The following FARP2 variants were observed in gnomAD, a reference collection of about 807,000 sequenced individuals.
FARP2 encodes the protein FERM, ARH/RhoGEF and pleckstrin domain protein 2, also known as FERM, ARHGEF and pleckstrin domain-containing protein 2.
Under a neutral mutation model 130.5 loss-of-function variants are expected in FARP2, and 111 were observed. That is an observed-to-expected ratio of 0.85 (90% CI 0.73 to 1.00). The LOEUF (loss-of-function observed/expected upper bound fraction) is 1.00. Ranked by LOEUF, FARP2 falls within the 50% of genes least tolerant of loss-of-function variation. The pLI, the probability that FARP2 is intolerant of heterozygous loss-of-function variation, is 0.00. For missense variants in FARP2, 1,385 were observed against 1,346.3 expected (o/e 1.03, Z -0.45); for synonymous variants, 504 against 516.9 (o/e 0.98, Z 0.34).
intron 26 of FARP2, 111 bp downstream of exon 26, chr2:241,493,555 C>T (rs1559820692): frequency 1.1e-6 from 1 of 930,344 alleles, no homozygotes; most frequent in Non-Finnish European, 1.7e-6. Flanking sequence ...AAAGGAAGGG[C>T]TGAGCAATGC....
chr2:241,462,555 C>A lies in FARP2; in HGVS notation c.1620C>A (p.Val540=). 3 of 1,614,028 alleles carry A rather than the reference C, an allele frequency of 1.9e-6. No homozygotes were observed. The highest frequency in any genetic ancestry group is 2.5e-6 in the Non-Finnish European group (3 of 1,179,892). ...CTGCAGACGAGGCCTACTTCATAGT[C>A]AAAGAGATTCTCGCTACAGAACGAA... The part of the protein sequence containing the change: ...RVPADEAYFI[V]KEILATERTY... Residue 540 remains valine, a synonymous_variant, in exon 15 of 27, where the codon GTC becomes GTA. Transcript: ENST00000264042.
In FARP2 at chr2:241,475,381, T is replaced by A. The variant is rs115515753; in HGVS notation, c.2132-476T>A. ...TGGCTATGGACTAGTACCAGTCCAG[T>A]CCATAGCCTGTTAGGAACCAGGCCA... On this transcript the variant is annotated intron_variant, in intron 18 of 26. Coordinates refer to ENST00000264042, the MANE Select transcript of FARP2 (RefSeq NM_014808.4). The surrounding 1 kb of genome is among the most constrained non-coding windows in gnomAD (Gnocchi z 4.4). Among the ~76,000 whole-genome samples the A allele has an allele frequency of 0.016, 2,373 of 152,264 alleles. 66 individuals are homozygous for A. The highest frequency in any genetic ancestry group is 0.054 in the African/African-American group (2,249 of 41,550).
At position 241,472,078 on chromosome 2, in the gene FARP2, C is replaced by T. The variant is rs149375050; in HGVS notation, c.2131+3701C>T. 2.6e-3 allele frequency among the ~76,000 whole-genome samples: 392 copies of T among 151,270 alleles called. 3 individuals carry two copies. The highest frequency in any genetic ancestry group is 9.0e-3 in the African/African-American group (370 of 41,166). ...AGGGGGATGCCATTTTGAGGGGATC[C>T]TGTTCTGGGGGGGTTCTGTTCTGTG... On this transcript the variant is annotated intron_variant, in intron 18 of 26. Coordinates refer to ENST00000264042, the MANE Select transcript of FARP2 (RefSeq NM_014808.4).
At chr2:241,474,315 CTCAAAAAA>C (rs2064395260) in intron 18 of FARP2, among the ~76,000 whole-genome samples, 1 of 57,982 alleles carries the variant, frequency 1.7e-5, no homozygotes, top group Non-Finnish European at 3.0e-5. Context: ...GAGATTCCGT[CTCAAAAAA>C]AAAAAAAAAA....
intron 8 of FARP2, among the ~76,000 whole-genome samples, chr2:241,428,327 T>G (rs1042706189): frequency 1.3e-5 from 2 of 148,922 alleles, no homozygotes; most frequent in Non-Finnish European, 3.0e-5. Flanking sequence ...CTGCGCCTCC[T>G]GGGTTCAAAT....
At chr2:241,371,866 GC>G (rs1482193491) in intron 1 of FARP2, among the ~76,000 whole-genome samples, 1 of 151,930 alleles carries the variant, frequency 6.6e-6, no homozygotes, top group African/African-American at 2.4e-5. Flanking sequence ...TTAAAAACAA[GC>G]TAGTATTATT....
chr2:241,439,383 G>A (rs1455161110), intron 12 of FARP2, among the ~76,000 whole-genome samples: 1 of 151,738 alleles, frequency 6.6e-6, no homozygotes, highest in Non-Finnish European at 1.5e-5. Context: ...AGGCTGGAGT[G>A]CAGTGGTGCG....
chr2:241,438,024 G>A (rs1375010949), intron 12 of FARP2, among the ~76,000 whole-genome samples: 46 of 152,060 alleles, frequency 3.0e-4, no homozygotes, highest in Non-Finnish European at 2.9e-5. Context: ...GGCCAGGCTG[G>A]TCTCGAACTC....
At chr2:241,487,137 TAA>T (rs1203720780) in intron 21 of FARP2, among the ~76,000 whole-genome samples, 1 of 152,248 alleles carries the variant, frequency 6.6e-6, no homozygotes, top group Non-Finnish European at 1.5e-5. Flanking sequence ...CCAACACTAT[TAA>T]GTCACAAATT....
intron 21 of FARP2, chr2:241,489,404 TTTTCTC>T (rs768811121): frequency 3.3e-5 from 5 of 152,388 alleles, no homozygotes; most frequent in Non-Finnish European, 5.9e-5. Flanking sequence ...GGATTTCCCT[TTTTCTC>T]TTTGACTTCT....
At chr2:241,399,069 A>G (rs1325697966) in intron 2 of FARP2, among the ~76,000 whole-genome samples, 1 of 152,206 alleles carries the variant, frequency 6.6e-6, no homozygotes, top group East Asian at 1.9e-4. Context: ...AGGATTATCC[A>G]TTTTTATATT....
chr2:241,393,315 C>T (rs140247373), intron 2 of FARP2, among the ~76,000 whole-genome samples: 126 of 152,202 alleles, frequency 8.3e-4, no homozygotes, highest in Non-Finnish European at 1.6e-3. Context: ...CCACTGCACC[C>T]GGCCTCCTTA....
At chr2:241,396,994 C>G (rs1472666286) in intron 2 of FARP2, among the ~76,000 whole-genome samples, 1 of 152,172 alleles carries the variant, frequency 6.6e-6, no homozygotes, top group African/African-American at 2.4e-5. Flanking sequence ...GCATGGAATA[C>G]TATGCAGCCA....
chr2:241,393,370 T>A (rs1221559832), intron 2 of FARP2, among the ~76,000 whole-genome samples: 1 of 152,088 alleles, frequency 6.6e-6, no homozygotes, highest in Non-Finnish European at 1.5e-5. Context: ...GTACAGTATT[T>A]TAGGAATATG....
chr2:241,460,139 T>C (rs1051286001), intron 14 of FARP2, among the ~76,000 whole-genome samples: 19 of 152,178 alleles, frequency 1.2e-4, no homozygotes, highest in African/African-American at 4.1e-4. Flanking sequence ...GGCCAACAGT[T>C]TGTGGGGCAT....
intron 21 of FARP2, among the ~76,000 whole-genome samples, chr2:241,484,541 C>T (rs1431909333): frequency 6.6e-6 from 1 of 152,224 alleles, no homozygotes. Flanking sequence ...GCTCAAACTG[C>T]CCTGTCTCTA....
At chr2:241,491,460 T>G in intron 23 of FARP2, 56 bp from the exon 24 acceptor site, 5 of 1,595,242 alleles carry the variant, frequency 3.1e-6, no homozygotes, top group Non-Finnish European at 4.3e-6. Context: ...GTGGAAGTAT[T>G]TGGCAAGCAG....
intron 8 of FARP2, among the ~76,000 whole-genome samples, chr2:241,429,229 C>T (rs1205945331): frequency 3.3e-5 from 5 of 152,118 alleles, no homozygotes; most frequent in African/African-American, 7.2e-5. Context: ...CTGAGATGCC[C>T]GTCTGCCTTT....
At chr2:241,467,109 G>T (rs1349622233) in intron 17 of FARP2, among the ~76,000 whole-genome samples, 2 of 151,878 alleles carry the variant, frequency 1.3e-5, no homozygotes, top group Middle Eastern at 3.4e-3. Context: ...ACAAAAATTA[G>T]CTGGGTGTGG....
Sources: allele counts gnomAD v4.1 joint callset (sites outside exome capture counted in the v4.1 genomes callset), GRCh38; gene constraint gnomAD v4.1.1; non-coding constraint Gnocchi (gnomAD v3.1); transcripts MANE v1.5; gene names NCBI Gene and HGNC (gene_info 2026-07-23, HGNC 2026-07-21).